Variants in TRAF3IP3 observed in about 807,000 individuals in gnomAD.
The protein encoded by TRAF3IP3 is TRAF3 interacting protein 3, also known as TRAF3-interacting JNK-activating modulator.
TRAF3IP3 carries 64 observed loss-of-function variants against 86.5 expected under a neutral mutation model. That is an observed-to-expected ratio of 0.74 (90% CI 0.60 to 0.91). TRAF3IP3 has a LOEUF of 0.91. Ranked by LOEUF, TRAF3IP3 falls within the 40% of genes least tolerant of loss-of-function variation. TRAF3IP3 has a pLI of 0.00. For missense variants in TRAF3IP3, 579 were observed against 642.9 expected (o/e 0.90, Z 1.07); for synonymous variants, 220 against 243.9 (o/e 0.90, Z 0.91).
At chr1:209,759,736 C>G (rs780627018) in intron 2 of TRAF3IP3, among the ~76,000 whole-genome samples, 1 of 152,092 alleles carries the variant, frequency 6.6e-6, no homozygotes, top group African/African-American at 2.4e-5. Context: ...CCATAGAGAC[C>G]CTTTTACTTT....
At chr1:209,769,224 G>T (rs1248428160) in intron 8 of TRAF3IP3, among the ~76,000 whole-genome samples, 1 of 127,754 alleles carries the variant, frequency 7.8e-6, no homozygotes, top group East Asian at 2.0e-4. Context: ...AAGAGTTTGG[G>T]CAAAGGCAAA....
chr1:209,777,216 T>G, intron 11 of TRAF3IP3, 136 bp from the exon 12 acceptor site: 1 of 670,816 alleles, frequency 1.5e-6, no homozygotes, highest in South Asian at 3.5e-5. Flanking sequence ...ACTTCTCTAT[T>G]TTCTCATCTC....
intron 8 of TRAF3IP3, among the ~76,000 whole-genome samples, chr1:209,771,310 G>A (rs1558020945): frequency 7.0e-6 from 1 of 142,762 alleles, no homozygotes; most frequent in South Asian, 2.2e-4. Context: ...TGCATGTGAA[G>A]GTGTGTGTGT....
At chr1:209,773,315 G>T (rs371145180) in intron 9 of TRAF3IP3, among the ~76,000 whole-genome samples, 12 of 152,300 alleles carry the variant, frequency 7.9e-5, no homozygotes, top group African/African-American at 2.4e-4. Flanking sequence ...TGACACTGTA[G>T]GGGAAGGCCC....
intron 8 of TRAF3IP3, among the ~76,000 whole-genome samples, chr1:209,764,528 G>T (rs1215207270): frequency 1.3e-5 from 2 of 152,096 alleles, no homozygotes; most frequent in Non-Finnish European, 2.9e-5. Context: ...GATCACCTGA[G>T]GTCAGGAGTT....
chr1:209,778,218 G>A, intron 13 of TRAF3IP3, 45 bp downstream of exon 13: 2 of 1,580,064 alleles, frequency 1.3e-6, no homozygotes, highest in Non-Finnish European at 1.7e-6. Context: ...GGTTTTCCTG[G>A]GGTCCTGGCC....
chr1:209,770,274 CATCTT>C (rs2077439740), intron 8 of TRAF3IP3, among the ~76,000 whole-genome samples: 1 of 152,316 alleles, frequency 6.6e-6, no homozygotes, highest in African/African-American at 2.4e-5. Context: ...AAGAAGTTCT[CATCTT>C]GAGTCTAGTA....
At position 209,760,345 on chromosome 1, in the gene TRAF3IP3, C is replaced by G. The variant is rs2102429975; in HGVS notation, c.306C>G (p.Pro102=). The part of the protein sequence containing the change: ...RPGQVTVLKE[P]LSCARRISSP... ...GACAGGTGACTGTCCTCAAGGAACC[C>G]TTGTCTTGTGCCAGAAGGATTTCTT... Residue 102 remains proline, a synonymous_variant, in exon 3 of 17, where the codon CCC becomes CCG. Coordinates refer to ENST00000367025, the MANE Select transcript of TRAF3IP3 (RefSeq NM_025228.4). 1 of 1,611,604 alleles carries G rather than the reference C, an allele frequency of 6.2e-7. No individual in the cohort carries two copies. Among genetic ancestry groups the G allele is most frequent in the Non-Finnish European group, 8.5e-7 (1 of 1,178,920 alleles).
At chr1:209,760,799 T>C (rs2102431769) in intron 3 of TRAF3IP3, among the ~76,000 whole-genome samples, 1 of 152,048 alleles carries the variant, frequency 6.6e-6, no homozygotes, top group African/African-American at 2.4e-5. Flanking sequence ...CCAGGCATGG[T>C]GGTGCACACC....
chr1:209,781,982 GAAGA>G (rs1398776150), intron 16 of TRAF3IP3, 70 bp from the exon 17 acceptor site: 10 of 1,266,020 alleles, frequency 7.9e-6, no homozygotes, highest in Admixed American at 1.7e-5. Context: ...AGAGTAGGAA[GAAGA>G]AAGATTTTTG....
chr1:209,775,533 G>A, intron 10 of TRAF3IP3, 44 bp downstream of exon 10: 1 of 1,614,196 alleles, frequency 6.2e-7, no homozygotes. Context: ...ACTCCAGGCA[G>A]CTTGGGGAAC....
intron 15 of TRAF3IP3, 147 bp downstream of exon 15, chr1:209,780,753 T>C: frequency 1.5e-6 from 1 of 654,456 alleles, no homozygotes; most frequent in Non-Finnish European, 2.2e-6. Flanking sequence ...TCTGTGCTTT[T>C]GGGCTGACTT....
intron 8 of TRAF3IP3, among the ~76,000 whole-genome samples, chr1:209,764,095 A>G (rs183814268): frequency 6.6e-6 from 1 of 152,292 alleles, no homozygotes; most frequent in Non-Finnish European, 1.5e-5. Context: ...GAAAAGTCAC[A>G]CAGCTAGGTA....
At position 209,781,363 on chromosome 1, in the gene TRAF3IP3, G is replaced by C. The variant is rs1344358875; in HGVS notation, c.1468G>C (p.Glu490Gln). 1 of 1,612,894 alleles carries C rather than the reference G, an allele frequency of 6.2e-7. No homozygotes were observed. Among genetic ancestry groups the C allele is most frequent in the Non-Finnish European group, 8.5e-7 (1 of 1,179,192 alleles). The change falls in exon 16 of 17, where the codon GAA (glutamate) becomes CAA (glutamine). Residue 490 changes from glutamate (E) to glutamine (Q), a missense_variant. Coordinates refer to ENST00000367025, the MANE Select transcript of TRAF3IP3 (RefSeq NM_025228.4). The part of the protein sequence containing the change: ...KEKECRELHS[E>Q]LDNLSDEYLS... ...TCCCCAGTGCAGAGAACTGCATTCA[G>C]AATTAGACAACCTCAGTGACGAGTA...
At position 209,782,091 on chromosome 1, in the gene TRAF3IP3, G is replaced by A; in HGVS notation, c.1599G>A (p.Val533=). ...QCGRWLPVLM[V]VIAAALAVFL... The stretch of plus-strand genomic sequence containing the variant: ...GGCGATGGCTCCCAGTGCTGATGGT[G>A]GTGATTGCTGCAGCACTGGCAGTGT... The change falls in exon 17 of 17, where the codon GTG becomes GTA. Residue 533 remains valine, a synonymous_variant. Coordinates refer to ENST00000367025, the MANE Select transcript of TRAF3IP3 (RefSeq NM_025228.4). 6.2e-6 allele frequency: 10 copies of A among 1,614,134 alleles called. No homozygotes were observed. Among genetic ancestry groups the A allele is most frequent in the Non-Finnish European group, 8.5e-6 (10 of 1,179,990 alleles).
chr1:209,761,344 G>T (rs1004299764), intron 3 of TRAF3IP3, among the ~76,000 whole-genome samples: 2 of 152,204 alleles, frequency 1.3e-5, no homozygotes, highest in Admixed American at 1.3e-4. Context: ...GGCCTGGAAA[G>T]GAACAATGTT....
At chr1:209,760,749 G>C (rs1360162997) in intron 3 of TRAF3IP3, among the ~76,000 whole-genome samples, 2 of 152,066 alleles carry the variant, frequency 1.3e-5, no homozygotes, top group South Asian at 2.1e-4. Flanking sequence ...CCTTTTGATA[G>C]AGACAAGACC....
At chr1:209,761,806 C>T (rs1189732665) in intron 3 of TRAF3IP3, among the ~76,000 whole-genome samples, 1 of 152,270 alleles carries the variant, frequency 6.6e-6, no homozygotes, top group African/African-American at 2.4e-5. Context: ...TCACTCCCCA[C>T]TCAGACCAGT....
chr1:209,780,568 C>CA lies in TRAF3IP3; in HGVS notation c.1415dup (p.Lys473GlufsTer24). On this transcript the variant is annotated frameshift_variant, in exon 15 of 17. Coordinates refer to ENST00000367025, the MANE Select transcript of TRAF3IP3 (RefSeq NM_025228.4). LOFTEE classifies it high-confidence loss of function. ...AGACTGGGATCTCAGAGACCAGCTGCAAAAGAAGACTTTGCAGCTCCAGGC... is the reference window on the plus strand; with the variant it reads ...AGACTGGGATCTCAGAGACCAGCTGCAAAAAGAAGACTTTGCAGCTCCAGGC... The CA allele has an allele frequency of 6.3e-7, 1 of 1,597,646 alleles. No individual in the cohort carries two copies. The highest frequency in any genetic ancestry group is 8.5e-7 in the Non-Finnish European group (1 of 1,171,062).
Sources: gnomAD v4.1 joint callset for allele counts (sites outside exome capture counted in the v4.1 genomes callset) on GRCh38, gnomAD v4.1.1 for gene constraint, MANE v1.5 for transcripts, NCBI Gene and HGNC (gene_info 2026-07-23, HGNC 2026-07-21) for gene names.